The following SNTG1 variants were observed in gnomAD, a reference collection of about 807,000 sequenced individuals.
The protein encoded by SNTG1 is gamma-1-syntrophin.
Under a neutral mutation model 74.7 loss-of-function variants are expected in SNTG1, and 39 were observed. The observed-to-expected ratio is 0.52, with a 90% CI of 0.40 to 0.68. The LOEUF is 0.68. Among genes scored for constraint, SNTG1 ranks in the 30% least tolerant of loss-of-function variants. The pLI is 0.00. For missense variants in SNTG1, 685 were observed against 609.5 expected (o/e 1.12, Z -1.30); for synonymous variants, 254 against 217.1 (o/e 1.17, Z -1.49).
intron 15 of SNTG1, among the ~76,000 whole-genome samples, chr8:50,675,748 A>C (rs1585489818): frequency 6.6e-6 from 1 of 152,110 alleles, no homozygotes; most frequent in East Asian, 1.9e-4. Flanking sequence ...GTTTCTTCAT[A>C]GTGTCATTGG....
intron 1 of SNTG1, among the ~76,000 whole-genome samples, chr8:50,007,453 G>A (rs558221916): frequency 1.3e-5 from 2 of 152,124 alleles, no homozygotes; most frequent in African/African-American, 4.8e-5. Flanking sequence ...ATTTTAAAAC[G>A]TAGGCATTTT....
chr8:50,136,660 G>A (rs990460941), intron 1 of SNTG1, among the ~76,000 whole-genome samples: 3 of 152,126 alleles, frequency 2.0e-5, no homozygotes, highest in African/African-American at 7.2e-5. Flanking sequence ...ATAACTTCCA[G>A]CCCAGCCTTC....
Position 50,649,520 on chromosome 8 carries a change from G to C in SNTG1, c.850-7389G>C, listed in dbSNP as rs370067615. 3.0e-3 allele frequency among the ~76,000 whole-genome samples: 464 copies of C among 152,192 alleles called. 3 individuals carry two copies. The highest frequency in any genetic ancestry group is 0.011 in the African/African-American group (447 of 41,554). ...TCTCAAAAAAAGAAGTGAGGAGTCA[G>C]TCTCACCAGCTGTGTTGGAGCTTTT... is the stretch of plus-strand genomic sequence containing the variant. On this transcript the variant is annotated intron_variant, in intron 13 of 18. Transcript: ENST00000642720.
intron 8 of SNTG1, among the ~76,000 whole-genome samples, chr8:50,469,478 A>C (rs2093634570): frequency 6.6e-6 from 1 of 152,088 alleles, no homozygotes; most frequent in African/African-American, 2.4e-5. Flanking sequence ...AAATGAGTGC[A>C]AAGTCATTAT....
At chr8:50,720,347 CT>C (rs1471356993) in intron 17 of SNTG1, among the ~76,000 whole-genome samples, 1 of 152,114 alleles carries the variant, frequency 6.6e-6, no homozygotes, top group Non-Finnish European at 1.5e-5. Context: ...CTTAGCTAAC[CT>C]CTTCTCATTT....
At chr8:50,005,061 A>G (rs978140737) in intron 1 of SNTG1, among the ~76,000 whole-genome samples, 1 of 152,178 alleles carries the variant, frequency 6.6e-6, no homozygotes, top group African/African-American at 2.4e-5. Flanking sequence ...TACCAGAAAA[A>G]GTCATGTATG....
intron 9 of SNTG1, among the ~76,000 whole-genome samples, chr8:50,526,912 G>A (rs1202402856): frequency 1.3e-5 from 2 of 152,016 alleles, no homozygotes; most frequent in South Asian, 2.1e-4. Context: ...ATGAGGCACC[G>A]CGCCCGGCCC....
chr8:50,189,703 T>A (rs1312438069), intron 2 of SNTG1, among the ~76,000 whole-genome samples: 1 of 152,170 alleles, frequency 6.6e-6, no homozygotes, highest in Non-Finnish European at 1.5e-5. Flanking sequence ...TGTGTCTAGG[T>A]GCTGCATGGC....
At chr8:50,307,157 G>C (rs1241124988) in intron 2 of SNTG1, among the ~76,000 whole-genome samples, 1 of 151,802 alleles carries the variant, frequency 6.6e-6, no homozygotes, top group Non-Finnish European at 1.5e-5. Flanking sequence ...AAAGCTCTTG[G>C]CTATTATGAA....
intron 1 of SNTG1, among the ~76,000 whole-genome samples, chr8:50,158,990 G>A (rs1490309183): frequency 6.6e-6 from 1 of 152,098 alleles, no homozygotes; most frequent in African/African-American, 2.4e-5. Flanking sequence ...TTTATTGTCT[G>A]TGTTTGCTTC....
At chr8:50,247,600 G>A (rs1003541377) in intron 2 of SNTG1, among the ~76,000 whole-genome samples, 3 of 152,112 alleles carry the variant, frequency 2.0e-5, no homozygotes, top group Non-Finnish European at 4.4e-5. Flanking sequence ...CAAACTCCTG[G>A]GTTCTGGTAG....
chr8:50,110,765 C>A (rs1291936263), intron 1 of SNTG1, among the ~76,000 whole-genome samples: 1 of 151,810 alleles, frequency 6.6e-6, no homozygotes, highest in African/African-American at 2.4e-5. Context: ...GCAAAAACAG[C>A]CATAGACAAT....
intron 1 of SNTG1, among the ~76,000 whole-genome samples, chr8:49,991,001 G>C (rs187183288): frequency 1.3e-5 from 2 of 151,926 alleles, no homozygotes; most frequent in African/African-American, 2.4e-5. Flanking sequence ...AGAATCAAAG[G>C]GCAGCCTAGA....
At chr8:50,018,557 G>A (rs1816544047) in intron 1 of SNTG1, among the ~76,000 whole-genome samples, 3 of 151,812 alleles carry the variant, frequency 2.0e-5, no homozygotes, top group African/African-American at 7.3e-5. Context: ...AAGAGTAAAC[G>A]TTCTTGACTA....
At chr8:50,777,859 C>G (rs1050462988) in intron 18 of SNTG1, among the ~76,000 whole-genome samples, 3 of 152,054 alleles carry the variant, frequency 2.0e-5, no homozygotes, top group Admixed American at 6.6e-5. Flanking sequence ...CCTGTCCCCC[C>G]ACCCGACAAC....
chr8:50,669,474 T>C (rs1486140900), intron 15 of SNTG1, among the ~76,000 whole-genome samples: 2 of 152,034 alleles, frequency 1.3e-5, no homozygotes, highest in South Asian at 2.1e-4. Context: ...ACATACACCA[T>C]CCCAAGACTA....
chr8:50,687,383 T>C (rs1259163101), intron 15 of SNTG1, among the ~76,000 whole-genome samples: 1 of 152,160 alleles, frequency 6.6e-6, no homozygotes, highest in Non-Finnish European at 1.5e-5. Context: ...AACCTGACTA[T>C]ATGCTGATTA....
At chr8:50,486,336 T>G (rs1414877281) in intron 8 of SNTG1, among the ~76,000 whole-genome samples, 2 of 145,754 alleles carry the variant, frequency 1.4e-5, no homozygotes, top group East Asian at 2.0e-4. Flanking sequence ...GAGCAGTGGT[T>G]TGTAGTTCTC....
intron 10 of SNTG1, among the ~76,000 whole-genome samples, chr8:50,532,265 A>C (rs546042208): frequency 6.6e-6 from 1 of 152,208 alleles, no homozygotes; most frequent in Non-Finnish European, 1.5e-5. Flanking sequence ...TATATTCAAA[A>C]TAAAGACAAA....
Sources: allele counts gnomAD v4.1 joint callset (sites outside exome capture counted in the v4.1 genomes callset), GRCh38; gene constraint gnomAD v4.1.1; transcripts MANE v1.5; gene names NCBI Gene and HGNC (gene_info 2026-07-23, HGNC 2026-07-21).